The following SH3RF3 variants were observed in gnomAD, a reference collection of about 807,000 sequenced individuals.
SH3RF3 encodes the protein SH3 domain containing ring finger 3.
A neutral mutation model predicts 66.3 loss-of-function variants in SH3RF3; 29 were observed. That is an observed-to-expected ratio of 0.44 (90% CI 0.33 to 0.60). The LOEUF (loss-of-function observed/expected upper bound fraction) is 0.60, where lower values mean the gene tolerates loss of function less well. SH3RF3 is among the 20% of genes least tolerant of loss of function. SH3RF3 has a pLI of 0.04. For synonymous variants in SH3RF3, 583 were observed against 532.0 expected (o/e 1.10, Z -1.32); for missense variants, 1,194 against 1,190.9 (o/e 1.00, Z -0.04).
intron 8 of SH3RF3, among the ~76,000 whole-genome samples, chr2:109,468,966 C>T (rs537462906): frequency 5.0e-4 from 76 of 150,700 alleles, no homozygotes; most frequent in African/African-American, 1.6e-3. Flanking sequence ...GGTGGTCTCC[C>T]GGGGGCTACT....
Position 109,149,365 on chromosome 2 carries a change from C to T in SH3RF3, c.573+19252C>T, listed in dbSNP as rs55821138. Among the ~76,000 whole-genome samples the T allele has an allele frequency of 7.6e-3, 1,159 of 152,328 alleles. 9 individuals are homozygous for T. Among genetic ancestry groups the T allele is most frequent in the Middle Eastern group, 0.031 (9 of 294 alleles). ...CTCCATTTAATCAAGAGTCAAGTGT[C>T]TGGCAGAGACTTTCGTTATTAATAA... is the stretch of plus-strand genomic sequence containing the variant. On this transcript the variant is annotated intron_variant, in intron 1 of 9. Transcript: ENST00000309415.
At chr2:109,244,172 G>A (rs1338822083) in intron 1 of SH3RF3, among the ~76,000 whole-genome samples, 2 of 152,186 alleles carry the variant, frequency 1.3e-5, no homozygotes, top group Non-Finnish European at 2.9e-5. Context: ...TTTGAAGGAT[G>A]TACTATTTAT....
intron 7 of SH3RF3, among the ~76,000 whole-genome samples, chr2:109,447,670 G>A (rs1310322253): frequency 2.0e-5 from 3 of 152,280 alleles, no homozygotes; most frequent in South Asian, 2.1e-4. Flanking sequence ...CCCTGGGGCC[G>A]TTCATTCTCT....
intron 8 of SH3RF3, among the ~76,000 whole-genome samples, chr2:109,475,302 G>T (rs1678655417): frequency 6.6e-6 from 1 of 152,186 alleles, no homozygotes; most frequent in Non-Finnish European, 1.5e-5. Flanking sequence ...ATCTCCGAGG[G>T]CTACAGGACT....
intron 1 of SH3RF3, among the ~76,000 whole-genome samples, chr2:109,266,909 C>T (rs985528858): frequency 6.6e-6 from 1 of 152,140 alleles, no homozygotes; most frequent in Non-Finnish European, 1.5e-5. Flanking sequence ...GATGTATGTC[C>T]CTGAGCAGGA....
At chr2:109,270,543 A>G (rs1680600179) in intron 1 of SH3RF3, among the ~76,000 whole-genome samples, 1 of 152,154 alleles carries the variant, frequency 6.6e-6, no homozygotes, top group Non-Finnish European at 1.5e-5. Context: ...CTCTGTGATC[A>G]GCGGTGACAG....
chr2:109,183,314 A>G (rs1009925157), intron 1 of SH3RF3, among the ~76,000 whole-genome samples: 1 of 152,162 alleles, frequency 6.6e-6, no homozygotes, highest in African/African-American at 2.4e-5. Flanking sequence ...CGTGTTCTTA[A>G]TAAAGTAACT....
intron 1 of SH3RF3, among the ~76,000 whole-genome samples, chr2:109,160,781 C>T (rs1677469954): frequency 1.3e-5 from 2 of 152,118 alleles, no homozygotes. Flanking sequence ...TGTGAACATC[C>T]CCAGGGGCTG....
intron 8 of SH3RF3, among the ~76,000 whole-genome samples, chr2:109,469,276 C>T (rs1392810973): frequency 6.6e-6 from 1 of 152,244 alleles, no homozygotes; most frequent in African/African-American, 2.4e-5. Flanking sequence ...GATCTAACAG[C>T]CCTAAAGACA....
rs72822678 is a variant in SH3RF3, at chr2:109,254,404, C to T, written c.574-93270C>T. The stretch of plus-strand genomic sequence containing the variant: ...TCTGTAAAATGGGGGCAGCACATTC[C>T]TCATTGGACTGTTGGGGAGGTTAAA... On this transcript the variant is annotated intron_variant, in intron 1 of 9. Transcript: ENST00000309415. 8.1e-3 allele frequency among the ~76,000 whole-genome samples: 1,235 copies of T among 152,186 alleles called. 4 individuals carry two copies. The highest frequency in any genetic ancestry group is 0.013 in the Non-Finnish European group (891 of 68,022).
At chr2:109,267,863 G>A (rs897923325) in intron 1 of SH3RF3, among the ~76,000 whole-genome samples, 1 of 152,142 alleles carries the variant, frequency 6.6e-6, no homozygotes, top group Non-Finnish European at 1.5e-5. Flanking sequence ...GACAGAGGTT[G>A]CTTGGGAGGC....
At chr2:109,273,993 T>C (rs1680688889) in intron 1 of SH3RF3, among the ~76,000 whole-genome samples, 1 of 152,236 alleles carries the variant, frequency 6.6e-6, no homozygotes, top group Non-Finnish European at 1.5e-5. Flanking sequence ...GCAAGGATAA[T>C]ACTTACCATA....
Position 109,273,770 on chromosome 2 carries a change from A to G in SH3RF3, c.574-73904A>G, listed in dbSNP as rs140281369. On this transcript the variant is annotated intron_variant, in intron 1 of 9. Coordinates refer to ENST00000309415, the MANE Select transcript of SH3RF3 (RefSeq NM_001099289.3). ...ATAGATGTCCCTTTCATATGGTGAC[A>G]GGGTATGCAGGTTGTGACTGAAATC... Among the ~76,000 whole-genome samples the G allele has an allele frequency of 6.0e-4, 92 of 152,316 alleles. 1 individual carries two copies. The East Asian group carries it at 0.017, about 28-fold the overall frequency.
At chr2:109,161,952 G>A (rs1677500320) in intron 1 of SH3RF3, among the ~76,000 whole-genome samples, 1 of 152,068 alleles carries the variant, frequency 6.6e-6, no homozygotes, top group Admixed American at 6.6e-5. Context: ...AGGGTTGGGG[G>A]CTGTGTATCT....
intron 4 of SH3RF3, among the ~76,000 whole-genome samples, chr2:109,400,472 T>C (rs1676277892): frequency 1.3e-5 from 2 of 152,024 alleles, no homozygotes; most frequent in Admixed American, 6.6e-5. Flanking sequence ...CATACACATG[T>C]GCACACACAT....
intron 4 of SH3RF3, among the ~76,000 whole-genome samples, chr2:109,402,411 G>A (rs992757593): frequency 2.0e-5 from 3 of 152,252 alleles, no homozygotes; most frequent in Non-Finnish European, 4.4e-5. Flanking sequence ...TTTGATCATC[G>A]GCTTGGAGAA....
intron 8 of SH3RF3, among the ~76,000 whole-genome samples, chr2:109,466,553 T>A (rs1030772457): frequency 1.3e-5 from 2 of 152,224 alleles, no homozygotes; most frequent in Non-Finnish European, 2.9e-5. Context: ...CTTGACAGTA[T>A]CTGTTTCAGA....
rs768024032 is a variant in SH3RF3 at position 109,398,955 on chromosome 2, C to CG, written c.1299+15dup. 2 of 1,602,724 alleles carry CG rather than the reference C, an allele frequency of 1.2e-6. No homozygotes were observed. The highest frequency in any genetic ancestry group is 2.2e-5 in the South Asian group (2 of 89,994). On this transcript the variant is annotated intron_variant, in intron 4 of 9. Transcript: ENST00000309415. The stretch of plus-strand genomic sequence containing the variant: ...CTGCTCCCACCCAGGTAACATCCCG[C>CG]GGGCCAGGGCAGGCATCCCTGGGTT...
intron 1 of SH3RF3, among the ~76,000 whole-genome samples, chr2:109,336,818 G>A (rs903686061): frequency 6.6e-6 from 1 of 152,142 alleles, no homozygotes; most frequent in Admixed American, 6.5e-5. Context: ...ATGGAAATGG[G>A]GTGCCGAGGG....
Sources: allele counts gnomAD v4.1 joint callset (sites outside exome capture counted in the v4.1 genomes callset), GRCh38; gene constraint gnomAD v4.1.1; transcripts MANE v1.5; gene names NCBI Gene and HGNC (gene_info 2026-07-23, HGNC 2026-07-21).